PDE1C: variants seen among roughly 807,000 people sequenced by gnomAD.
PDE1C encodes the protein phosphodiesterase 1C, also known as dual specificity calcium/calmodulin-dependent 3',5'-cyclic nucleotide phosphodiesterase 1C.
In PDE1C, 62 loss-of-function variants were observed where a neutral mutation model predicts 93.1. The observed-to-expected ratio is 0.67, with a 90% CI of 0.54 to 0.82. The LOEUF (loss-of-function observed/expected upper bound fraction) is 0.82. PDE1C is among the 40% of genes least tolerant of loss of function. PDE1C has a pLI of 0.00. For synonymous variants in PDE1C, 325 were observed against 310.1 expected (o/e 1.05, Z -0.50); for missense variants, 742 against 884.6 (o/e 0.84, Z 2.04).
intron 14 of PDE1C, among the ~76,000 whole-genome samples, chr7:31,819,338 A>C (rs1788666475): frequency 6.6e-6 from 1 of 152,174 alleles, no homozygotes. Flanking sequence ...AACTGCAATC[A>C]GATTCCTTTA....
intron 1 of PDE1C, among the ~76,000 whole-genome samples, chr7:32,295,863 C>A (rs2128899552): frequency 6.9e-6 from 1 of 144,968 alleles, no homozygotes; most frequent in African/African-American, 2.6e-5. Flanking sequence ...CACTGCACTC[C>A]AGCCCGGGTG....
intron 1 of PDE1C, among the ~76,000 whole-genome samples, chr7:32,304,911 C>A: frequency 6.6e-6 from 1 of 152,272 alleles, no homozygotes; most frequent in Non-Finnish European, 1.5e-5. Flanking sequence ...CACTAGCATA[C>A]TAGGTCCCTT....
chr7:32,410,675 A>G (rs1295877832), intron 1 of PDE1C, among the ~76,000 whole-genome samples: 1 of 144,724 alleles, frequency 6.9e-6, no homozygotes, highest in Non-Finnish European at 1.5e-5. Flanking sequence ...AGGAGATCAG[A>G]AGCTGAGAGA....
chr7:31,762,493 C>G (rs548147592), intron 17 of PDE1C, among the ~76,000 whole-genome samples: 2 of 152,182 alleles, frequency 1.3e-5, no homozygotes, highest in African/African-American at 4.8e-5. Flanking sequence ...AAGCATCCCA[C>G]CATGCCTAGA....
At chr7:32,168,578 G>T (rs550065538) in intron 3 of PDE1C, among the ~76,000 whole-genome samples, 1 of 152,308 alleles carries the variant, frequency 6.6e-6, no homozygotes, top group East Asian at 1.9e-4. Context: ...TTTCACCACA[G>T]TCACTTGCTG....
chr7:31,744,484 C>A, the PDE1C span, among the ~76,000 whole-genome samples: 2 of 152,154 alleles, frequency 1.3e-5, no homozygotes, highest in Admixed American at 6.5e-5. Context: ...GGTGGCAGTG[C>A]AGCCTAAGAA....
chr7:32,201,707 G>A (rs937219288), intron 2 of PDE1C, among the ~76,000 whole-genome samples: 9 of 152,228 alleles, frequency 5.9e-5, no homozygotes, highest in Non-Finnish European at 1.2e-4. Flanking sequence ...TACAGTGGTA[G>A]GCCAGGAGCA....
chr7:32,417,704 A>G (rs1001185724), intron 1 of PDE1C, among the ~76,000 whole-genome samples: 6 of 151,280 alleles, frequency 4.0e-5, no homozygotes, highest in Non-Finnish European at 1.5e-5. Flanking sequence ...CTGTGCACAT[A>G]AAAAAGGAGA....
At chr7:32,387,639 C>T (rs1476403398) in intron 1 of PDE1C, among the ~76,000 whole-genome samples, 2 of 149,786 alleles carry the variant, frequency 1.3e-5, no homozygotes, top group African/African-American at 4.9e-5. Context: ...GCTGATCCCC[C>T]CACCTCCCTC....
intron 1 of PDE1C, among the ~76,000 whole-genome samples, chr7:32,370,318 G>A (rs1482429613): frequency 3.9e-5 from 6 of 151,918 alleles, no homozygotes; most frequent in African/African-American, 1.5e-4. Context: ...GCGTGGTGGC[G>A]GGCGTCTGTA....
rs759363275 is a variant in PDE1C, at chr7:31,809,030, C to T, written c.1891+1G>A. On this transcript the variant is annotated splice_donor_variant, in intron 16 of 17. Transcript: ENST00000396191. LOFTEE classifies it high-confidence loss of function. ...AAATGTAATGAGAATAATACTCTTA[C>T]CATCTGTTTTCTTTGAATCATTTCC... 6.5e-6 allele frequency: 10 copies of T among 1,531,270 alleles called. No homozygotes were observed. Among genetic ancestry groups the T allele is most frequent in the Middle Eastern group, 1.8e-4 (1 of 5,466 alleles). The allele number at this position is 1,531,270 out of a possible 1,614,324, so 94.9% of individuals were successfully genotyped here.
At chr7:32,312,060 C>G (rs1434207300) in intron 1 of PDE1C, among the ~76,000 whole-genome samples, 1 of 150,834 alleles carries the variant, frequency 6.6e-6, no homozygotes, top group Non-Finnish European at 1.5e-5. Context: ...AGCAAAGTCT[C>G]AGGATACAAA....
the PDE1C span, among the ~76,000 whole-genome samples, chr7:31,716,146 G>A: frequency 4.6e-5 from 7 of 152,146 alleles, no homozygotes; most frequent in Non-Finnish European, 1.0e-4. Context: ...TGTCTGTGGT[G>A]CAAAGTGGAA....
chr7:31,892,576 C>G (rs1798779584), intron 2 of PDE1C, among the ~76,000 whole-genome samples: 1 of 152,126 alleles, frequency 6.6e-6, no homozygotes, highest in African/African-American at 2.4e-5. Flanking sequence ...TTCACTATGG[C>G]AGGCTGGCCA....
chr7:32,049,886 T>C (rs1429208273), intron 2 of PDE1C, among the ~76,000 whole-genome samples: 1 of 152,190 alleles, frequency 6.6e-6, no homozygotes, highest in Non-Finnish European at 1.5e-5. Flanking sequence ...AGTCACCTTA[T>C]AATAAATGTG....
intron 1 of PDE1C, among the ~76,000 whole-genome samples, chr7:32,241,526 A>C (rs774720106): frequency 6.6e-6 from 1 of 152,182 alleles, no homozygotes; most frequent in Non-Finnish European, 1.5e-5. Context: ...TGTAGACTGA[A>C]GAGAGAAAAC....
chr7:32,229,343 T>C (rs1807521879), intron 1 of PDE1C, among the ~76,000 whole-genome samples: 2 of 152,216 alleles, frequency 1.3e-5, no homozygotes, highest in Non-Finnish European at 2.9e-5. Flanking sequence ...TAGGGAGCAC[T>C]TGTCACATCA....
intron 2 of PDE1C, among the ~76,000 whole-genome samples, chr7:31,998,792 CT>C (rs2128554017): frequency 6.6e-6 from 1 of 152,302 alleles, no homozygotes; most frequent in South Asian, 2.1e-4. Flanking sequence ...ATCCCAGCCC[CT>C]GGCAAGTTTT....
chr7:31,719,950 C>T, the PDE1C span, among the ~76,000 whole-genome samples: 15 of 150,944 alleles, frequency 9.9e-5, no homozygotes, highest in Non-Finnish European at 1.6e-4. Flanking sequence ...ATCATGAGGT[C>T]AGGAGATCGA....
Sources: gnomAD v4.1 joint callset for allele counts (sites outside exome capture counted in the v4.1 genomes callset) on GRCh38, gnomAD v4.1.1 for gene constraint, MANE v1.5 for transcripts, NCBI Gene and HGNC (gene_info 2026-07-23, HGNC 2026-07-21) for gene names.